Variants in FOXK2 observed in about 807,000 individuals in gnomAD.
The protein encoded by FOXK2 is forkhead box K2, also known as forkhead box protein K2.
A neutral mutation model predicts 53.3 loss-of-function variants in FOXK2; 24 were observed. The observed-to-expected ratio is 0.45, with a 90% confidence interval of 0.33 to 0.63. FOXK2 has a LOEUF of 0.63. Ranked by LOEUF, FOXK2 falls within the 30% of genes least tolerant of loss-of-function variation. The pLI is 0.03. For missense variants in FOXK2, 952 were observed against 910.5 expected (o/e 1.05, Z -0.59); for synonymous variants, 505 against 407.1 (o/e 1.24, Z -2.89).
chr17:82,530,506 A>T (rs1404602437), intron 1 of FOXK2, among the ~76,000 whole-genome samples: 1 of 135,202 alleles, frequency 7.4e-6, no homozygotes, highest in South Asian at 2.6e-4. Context: ...AAAACTACTG[A>T]TGTGTTTTTT....
chr17:82,520,480 C>G (rs1234647558), intron 1 of FOXK2, among the ~76,000 whole-genome samples, 173 bp downstream of exon 1: 1 of 152,134 alleles, frequency 6.6e-6, no homozygotes, highest in East Asian at 1.9e-4. Context: ...TCGACAGCCC[C>G]TGGCCCCGAC....
At chr17:82,594,270 G>A (rs1294099743) in intron 8 of FOXK2, among the ~76,000 whole-genome samples, 6 of 152,148 alleles carry the variant, frequency 3.9e-5, no homozygotes, top group Non-Finnish European at 8.8e-5. Context: ...AGGCCGAGGC[G>A]GGCGGATCAC....
At chr17:82,576,577 C>T in intron 4 of FOXK2, 1 of 823,626 alleles carries the variant, frequency 1.2e-6, no homozygotes, top group Non-Finnish European at 2.0e-6. Context: ...TGGTGACATC[C>T]AGAATGTTCC....
In FOXK2 at chr17:82,523,134, G is replaced by C. The variant is rs572319304; in HGVS notation, c.419+2827G>C. 2.0e-5 allele frequency among the ~76,000 whole-genome samples: 3 copies of C among 152,328 alleles called. No homozygotes were observed. The South Asian group carries it at 6.2e-4, about 32-fold the overall frequency. ...AACAGTAGGAATGAGTCTTGCAGTA[G>C]AGATGAGTAAGAAGGGCAGTGAGAT... is the stretch of plus-strand genomic sequence containing the variant. On this transcript the variant is annotated intron_variant, in intron 1 of 8. Transcript: ENST00000335255.
chr17:82,529,612 C>T (rs1360753510), intron 1 of FOXK2, among the ~76,000 whole-genome samples: 2 of 152,168 alleles, frequency 1.3e-5, no homozygotes, highest in East Asian at 3.9e-4. Flanking sequence ...TCTCGGACTC[C>T]TGACCTCAGG....
chr17:82,600,864 G>T, intron 8 of FOXK2: 1 of 164,926 alleles, frequency 6.1e-6, no homozygotes, highest in South Asian at 1.6e-4. Flanking sequence ...GCGAGGGCAG[G>T]GCCTCCGCAT....
chr17:82,543,773 G>C (rs2044595418), intron 1 of FOXK2, among the ~76,000 whole-genome samples: 1 of 131,948 alleles, frequency 7.6e-6, no homozygotes, highest in Non-Finnish European at 1.6e-5. Context: ...AGCATGCTTA[G>C]CTTTTTTTTT....
Position 82,560,075 on chromosome 17 carries a change from G to A in FOXK2, c.420-3279G>A, listed in dbSNP as rs934804219. 6.0e-5 allele frequency among the ~76,000 whole-genome samples: 9 copies of A among 148,944 alleles called. No individual in the cohort carries two copies. The South Asian group carries it at 8.5e-4, about 14-fold the overall frequency. On this transcript the variant is annotated intron_variant, in intron 1 of 8. Transcript: ENST00000335255. Reference sequence around the variant, plus strand: ...GGCTGGAGTGCAGTGGCAGGATCTCGGCTCGCTGCAGCCTCTGCCTCCCGG... The same window carrying A: ...GGCTGGAGTGCAGTGGCAGGATCTCAGCTCGCTGCAGCCTCTGCCTCCCGG...
chr17:82,533,375 A>G (rs2044490528), intron 1 of FOXK2, among the ~76,000 whole-genome samples: 1 of 152,030 alleles, frequency 6.6e-6, no homozygotes, highest in Non-Finnish European at 1.5e-5. Flanking sequence ...CTGTAATCCC[A>G]GCTACTCGGG....
At chr17:82,596,178 C>CT in intron 8 of FOXK2, 1 of 1,004,534 alleles carries the variant, frequency 1.0e-6, no homozygotes, top group South Asian at 4.0e-5. Context: ...TTGCCCAGCT[C>CT]ACACCAACTG....
intron 7 of FOXK2, 27 bp downstream of exon 7, chr17:82,586,227 G>A (rs2045146171): frequency 3.2e-6 from 4 of 1,253,102 alleles, no homozygotes; most frequent in Admixed American, 2.4e-5. Context: ...GGAGGAGAGG[G>A]GAGACCACAG....
intron 8 of FOXK2, chr17:82,600,094 T>A (rs918022530): frequency 2.6e-5 from 4 of 152,356 alleles, no homozygotes; most frequent in Non-Finnish European, 1.5e-5. Context: ...GTGCGCAGCC[T>A]AGGGGCCTAG....
Position 82,574,213 on chromosome 17 carries a change from C to T in FOXK2, c.909+2343C>T, listed in dbSNP as rs571989901. 1.1e-4 allele frequency among the ~76,000 whole-genome samples: 17 copies of T among 152,342 alleles called. 1 individual carries two copies. The South Asian group carries it at 3.1e-3, about 28-fold the overall frequency. Reference sequence around the variant, plus strand: ...AAGTCTACAGCTGCATCTCTTTCCCCAGTAAGGCCACTCCTGTGTCATTTC... The same window carrying T: ...AAGTCTACAGCTGCATCTCTTTCCCTAGTAAGGCCACTCCTGTGTCATTTC... On this transcript the variant is annotated intron_variant, in intron 4 of 8. Coordinates refer to ENST00000335255, the MANE Select transcript of FOXK2 (RefSeq NM_004514.4).
At chr17:82,545,222 C>A (rs1223996786) in intron 1 of FOXK2, among the ~76,000 whole-genome samples, 1 of 152,160 alleles carries the variant, frequency 6.6e-6, no homozygotes, top group Non-Finnish European at 1.5e-5. Flanking sequence ...GAAGACGTGA[C>A]GTCATCAGCA....
intron 8 of FOXK2, among the ~76,000 whole-genome samples, chr17:82,589,817 G>C (rs1406076135): frequency 1.3e-5 from 2 of 152,188 alleles, no homozygotes; most frequent in Non-Finnish European, 2.9e-5. Context: ...AGGTGGAGGT[G>C]GGCGGATCAC....
chr17:82,559,423 C>G (rs1041513861), intron 1 of FOXK2: 13 of 456,248 alleles, frequency 2.8e-5, no homozygotes, highest in Non-Finnish European at 4.4e-5. Context: ...GCACCTTGCC[C>G]TGTTTGTGTC....
intron 1 of FOXK2, among the ~76,000 whole-genome samples, chr17:82,561,626 C>T (rs750788481): frequency 3.9e-5 from 6 of 152,022 alleles, no homozygotes; most frequent in Non-Finnish European, 7.4e-5. Context: ...GTGTGCCTCA[C>T]GGGGAAAGGA....
At chr17:82,561,905 TG>T (rs10558425) in intron 1 of FOXK2, among the ~76,000 whole-genome samples, 91,573 of 138,190 alleles carry the variant, frequency 0.66, 29,841 homozygotes, top group Non-Finnish European at 0.72. Flanking sequence ...CTTCCTCTGT[TG>T]GGGGGGGGGG....
rs148118470 is a variant in FOXK2 at position 82,563,435 on chromosome 17, G to A, written c.501G>A (p.Ala167=). ...GCGAGAAGAGAGAGAAGCAGGAGGC[G>A]TCTGAGTCTCCAGTGAAGGCCGTAC... is the stretch of plus-strand genomic sequence containing the variant. ...LSSEKREKQE[A]SESPVKAVQP... The change falls in exon 2 of 9, where the codon GCG becomes GCA. Residue 167 remains alanine (A), a synonymous_variant. Transcript: ENST00000335255. The A allele has an allele frequency of 6.5e-4, 1,046 of 1,614,142 alleles. 3 individuals are homozygous for A. The highest frequency in any genetic ancestry group is 1.0e-3 in the African/African-American group (76 of 75,016).
Sources: allele counts gnomAD v4.1 joint callset (sites outside exome capture counted in the v4.1 genomes callset), GRCh38; gene constraint gnomAD v4.1.1; transcripts MANE v1.5; gene names NCBI Gene and HGNC (gene_info 2026-07-23, HGNC 2026-07-21).